PLCB1: variants seen among roughly 807,000 people sequenced by gnomAD.
The protein encoded by PLCB1 is 1-phosphatidylinositol 4,5-bisphosphate phosphodiesterase beta-1.
A neutral mutation model predicts 161.8 loss-of-function variants in PLCB1; 46 were observed. The observed-to-expected ratio is 0.28, with a 90% confidence interval of 0.22 to 0.36. PLCB1 has a LOEUF of 0.36. Among genes scored for constraint, PLCB1 ranks in the 10% least tolerant of loss-of-function variants. The pLI, the probability that PLCB1 is intolerant of heterozygous loss-of-function variation, is 1.00. For missense variants in PLCB1, 1,016 were observed against 1,472.5 expected (o/e 0.69, Z 5.07); for synonymous variants, 517 against 503.7 (o/e 1.03, Z -0.35).
intron 27 of PLCB1, among the ~76,000 whole-genome samples, chr20:8,776,318 A>G (rs377012293): frequency 3.9e-5 from 6 of 152,340 alleles, no homozygotes; most frequent in Admixed American, 1.3e-4. Flanking sequence ...GGAAGGTGGT[A>G]CATTTGGGAT....
intron 31 of PLCB1, among the ~76,000 whole-genome samples, chr20:8,874,944 T>C (rs1458734893): frequency 6.6e-6 from 1 of 151,932 alleles, no homozygotes; most frequent in East Asian, 1.9e-4. Flanking sequence ...TTTCAAAGTG[T>C]CAATTTCTCA....
intron 2 of PLCB1, among the ~76,000 whole-genome samples, chr20:8,230,742 C>T (rs568671908): frequency 1.1e-4 from 16 of 152,194 alleles, no homozygotes; most frequent in African/African-American, 3.1e-4. Flanking sequence ...ACTCATTTGT[C>T]GCATGTGGCT....
chr20:8,785,364 A>T (rs769381376), intron 27 of PLCB1, among the ~76,000 whole-genome samples: 8 of 152,154 alleles, frequency 5.3e-5, no homozygotes, highest in Non-Finnish European at 1.0e-4. Context: ...CTCCCTGGTG[A>T]TGCTCTTGCC....
chr20:8,769,087 A>T (rs1050344981), intron 26 of PLCB1, among the ~76,000 whole-genome samples: 13 of 152,206 alleles, frequency 8.5e-5, no homozygotes, highest in Admixed American at 5.2e-4. Flanking sequence ...AAATAAATGC[A>T]GTGGATTTAA....
intron 3 of PLCB1, among the ~76,000 whole-genome samples, chr20:8,410,624 CT>C (rs1023614957): frequency 6.6e-6 from 1 of 151,850 alleles, no homozygotes; most frequent in Admixed American, 6.6e-5. Context: ...ATGCAACCTG[CT>C]TTTTTTTATT....
chr20:8,661,222 G>A (rs1048389562), intron 9 of PLCB1, among the ~76,000 whole-genome samples: 1 of 152,102 alleles, frequency 6.6e-6, no homozygotes, highest in South Asian at 2.1e-4. Context: ...ACCTGCTCAT[G>A]ATGAAATCCT....
chr20:8,845,530 A>G (rs6077437), intron 31 of PLCB1, among the ~76,000 whole-genome samples: 39,921 of 152,182 alleles, frequency 0.26, 6,928 homozygotes, highest in East Asian at 0.63. Flanking sequence ...CAGATGCTCA[A>G]TAGGGCTATT....
chr20:8,268,553 C>T (rs1193639757), intron 2 of PLCB1, among the ~76,000 whole-genome samples: 1 of 152,226 alleles, frequency 6.6e-6, no homozygotes, highest in African/African-American at 2.4e-5. Context: ...CTGTCTTCCA[C>T]AATGGTTGAA....
At chr20:8,293,019 C>T (rs1482526050) in intron 2 of PLCB1, among the ~76,000 whole-genome samples, 1 of 152,034 alleles carries the variant, frequency 6.6e-6, no homozygotes, top group African/African-American at 2.4e-5. Flanking sequence ...TTGATTGACA[C>T]TGTGGTTGCA....
intron 31 of PLCB1, among the ~76,000 whole-genome samples, chr20:8,842,284 T>C (rs6086632): frequency 0.32 from 48,712 of 152,096 alleles, 8,794 homozygotes; most frequent in East Asian, 0.63. Context: ...GTGGCTATTG[T>C]CTACCTTTTA....
chr20:8,865,005 A>T (rs374312441), intron 31 of PLCB1, among the ~76,000 whole-genome samples: 6 of 152,354 alleles, frequency 3.9e-5, no homozygotes, highest in African/African-American at 9.6e-5. Flanking sequence ...TAAGCAGAAG[A>T]AAAACGAATA....
chr20:8,659,597 G>T (rs1189183571), intron 9 of PLCB1, among the ~76,000 whole-genome samples: 2 of 152,036 alleles, frequency 1.3e-5, no homozygotes, highest in Non-Finnish European at 2.9e-5. Context: ...GCAAGCTTAT[G>T]GTCATCAATA....
intron 14 of PLCB1, among the ~76,000 whole-genome samples, chr20:8,721,943 GATA>G (rs1979657127): frequency 8.7e-4 from 1 of 1,156 alleles, no homozygotes; most frequent in African/African-American, 0.014. Context: ...ATGAAGGAGG[GATA>G]GATAGTATAT....
chr20:8,828,785 T>C (rs1336633177), intron 31 of PLCB1, among the ~76,000 whole-genome samples: 5 of 152,210 alleles, frequency 3.3e-5, no homozygotes, highest in Non-Finnish European at 7.3e-5. Flanking sequence ...TCTTCCCTGA[T>C]GTATGTATAA....
Position 8,628,362 on chromosome 20 carries a change from G to C in PLCB1, c.315G>C (p.Val105=). 6.2e-7 allele frequency: 1 copy of C among 1,614,070 alleles called. No homozygotes were observed. Among genetic ancestry groups the C allele is most frequent in the Non-Finnish European group, 8.5e-7 (1 of 1,179,986 alleles). The change falls in exon 4 of 32, where the codon GTG becomes GTC. Residue 105 remains valine (V), a synonymous_variant. Coordinates refer to ENST00000338037, the MANE Select transcript of PLCB1 (RefSeq NM_015192.4). Reference sequence around the variant, plus strand: ...GCCTGGAGCAGCGCATGATCACAGTGGTGTATGGGCCTGACCTCGTGAACA... The same window carrying C: ...GCCTGGAGCAGCGCATGATCACAGTCGTGTATGGGCCTGACCTCGTGAACA... The part of the protein sequence containing the change: ...IGRLEQRMIT[V]VYGPDLVNIS...
intron 2 of PLCB1, among the ~76,000 whole-genome samples, chr20:8,169,947 A>G (rs1365155746): frequency 1.3e-5 from 2 of 152,170 alleles, no homozygotes; most frequent in Non-Finnish European, 2.9e-5. Context: ...AACAGGTGCC[A>G]TGTTTGATTT....
chr20:8,804,909 G>A (rs2146243799), intron 31 of PLCB1, among the ~76,000 whole-genome samples: 1 of 148,724 alleles, frequency 6.7e-6, no homozygotes, highest in Middle Eastern at 3.5e-3. Flanking sequence ...AGATGAGATA[G>A]GAGAATCCCT....
rs796605700 is a variant in PLCB1, at chr20:8,136,591, A to G, written c.99+3841A>G. On this transcript the variant is annotated intron_variant, in intron 1 of 31. Transcript: ENST00000338037. ...CAGTGAGCCGAGATCGCGCCACTGCACTCCAGCCTGGGCGACAGAGCAAGA... is the reference window on the plus strand; with the variant it reads ...CAGTGAGCCGAGATCGCGCCACTGCGCTCCAGCCTGGGCGACAGAGCAAGA... Among the ~76,000 whole-genome samples, 5 of 150,336 alleles carry G rather than the reference A, an allele frequency of 3.3e-5. No individual in the cohort carries two copies. The East Asian group carries it at 5.9e-4, about 18-fold the overall frequency.
intron 31 of PLCB1, among the ~76,000 whole-genome samples, chr20:8,821,990 CAGAG>C (rs1985454807): frequency 6.6e-6 from 1 of 152,070 alleles, no homozygotes; most frequent in Non-Finnish European, 1.5e-5. Flanking sequence ...TGTTTCTTTG[CAGAG>C]AGACTTTCTC....
Sources: allele counts gnomAD v4.1 joint callset (sites outside exome capture counted in the v4.1 genomes callset), GRCh38; gene constraint gnomAD v4.1.1; transcripts MANE v1.5; gene names NCBI Gene and HGNC (gene_info 2026-07-23, HGNC 2026-07-21).